The following NECAB2 variants were observed in gnomAD, a reference collection of about 807,000 sequenced individuals.
The protein encoded by NECAB2 is N-terminal EF-hand calcium-binding protein 2.
Under a neutral mutation model 51.9 loss-of-function variants are expected in NECAB2, and 68 were observed. The ratio of observed to expected loss-of-function variants is 1.31; its 90% CI spans 1.08 to 1.60. NECAB2 has a LOEUF of 1.60. Ranked by LOEUF, NECAB2 falls within the 40% of genes most tolerant of loss-of-function variation. The pLI is 0.00. For synonymous variants in NECAB2, 329 were observed against 203.5 expected (o/e 1.62, Z -5.25); for missense variants, 854 against 490.3 (o/e 1.74, Z -7.00).
At chr16:84,000,467 A>C (rs542345206) in intron 10 of NECAB2, among the ~76,000 whole-genome samples, 22 of 152,220 alleles carry the variant, frequency 1.4e-4, no homozygotes, top group Non-Finnish European at 2.6e-4. Flanking sequence ...TGGGCAACAG[A>C]GTGAGACCCT....
In NECAB2 at chr16:83,981,094, C is replaced by G; in HGVS notation, c.426C>G (p.His142Gln). 1 of 1,614,198 alleles carries G rather than the reference C, an allele frequency of 6.2e-7. No individual in the cohort carries two copies. Among genetic ancestry groups the G allele is most frequent in the Non-Finnish European group, 8.5e-7 (1 of 1,180,036 alleles). The change falls in exon 5 of 13, where the codon CAC becomes CAG. Residue 142 changes from histidine to glutamine, a missense_variant. By Grantham distance (24) the His-to-Gln change is conservative (BLOSUM62 0). Transcript: ENST00000305202. Reference protein sequence around the residue: ...DVLASLETLNHSVLKAMGYTK... With the variant: ...DVLASLETLNQSVLKAMGYTK... ...TGGCCTCCCTGGAGACCTTGAATCA[C>G]TCTGTCCTGAAGGCCATGGGTTATA...
intron 5 of NECAB2, among the ~76,000 whole-genome samples, chr16:83,982,758 T>A (rs7194613): frequency 1.3e-5 from 2 of 152,072 alleles, no homozygotes; most frequent in African/African-American, 4.8e-5. Flanking sequence ...TTGGAAGTCA[T>A]GTGCGTATGA....
chr16:83,998,768 T>G (rs1360412025), intron 10 of NECAB2, among the ~76,000 whole-genome samples: 1 of 151,044 alleles, frequency 6.6e-6, no homozygotes, highest in Admixed American at 6.6e-5. Flanking sequence ...AGTCGGTAGC[T>G]GAAGGGAAAT....
At position 83,993,104 on chromosome 16, in the gene NECAB2, C is replaced by G. The variant is rs943577238; in HGVS notation, c.597-1198C>G. On this transcript the variant is annotated intron_variant, in intron 6 of 12. Transcript: ENST00000305202. Reference sequence around the variant, plus strand: ...GTTCCACACATGCCCCTCCCTCGAACTTCCCCAAATCTCAGCTAGTTTGGC... The same window carrying G: ...GTTCCACACATGCCCCTCCCTCGAAGTTCCCCAAATCTCAGCTAGTTTGGC... Among the ~76,000 whole-genome samples, 4 of 152,158 alleles carry G rather than the reference C, an allele frequency of 2.6e-5. No homozygotes were observed. The South Asian group carries it at 8.3e-4, about 31-fold the overall frequency.
At chr16:84,000,576 G>T (rs371853583) in intron 10 of NECAB2, 148 bp from the exon 11 acceptor site, 2 of 610,054 alleles carry the variant, frequency 3.3e-6, no homozygotes, top group Non-Finnish European at 5.8e-6. Context: ...GGGTCACCCT[G>T]TCGAGTCTCG....
intron 11 of NECAB2, among the ~76,000 whole-genome samples, chr16:84,001,374 T>TAAAC (rs1219369130): frequency 2.0e-5 from 3 of 152,084 alleles, no homozygotes; most frequent in South Asian, 2.1e-4. Flanking sequence ...GCTTCCCTGG[T>TAAAC]AAACACTCAC....
chr16:83,977,889 G>C lies in NECAB2; in HGVS notation c.227-555G>C, dbSNP rs145605518. ...GCTTAGGGGCTGGGATTGGGGTTGG[G>C]AGCATGCAGAGACCACTTGGCGTTT... On this transcript the variant is annotated intron_variant, in intron 2 of 12. Transcript: ENST00000305202. Among the ~76,000 whole-genome samples the C allele has an allele frequency of 5.8e-3, 889 of 152,300 alleles. 6 individuals carry two copies. Among genetic ancestry groups the C allele is most frequent in the African/African-American group, 0.02 (834 of 41,562 alleles).
intron 5 of NECAB2, among the ~76,000 whole-genome samples, chr16:83,984,849 C>T (rs964591375): frequency 6.6e-6 from 1 of 152,208 alleles, no homozygotes; most frequent in African/African-American, 2.4e-5. Context: ...TTTCAAATAA[C>T]AAGCTCCTGG....
chr16:83,975,456 A>T (rs1510203), intron 2 of NECAB2, among the ~76,000 whole-genome samples: 1 of 152,106 alleles, frequency 6.6e-6, no homozygotes, highest in Non-Finnish European at 1.5e-5. Context: ...TCACGTGTCC[A>T]CAGGAAGGAT....
chr16:83,988,941 G>T (rs1282689935), intron 5 of NECAB2, among the ~76,000 whole-genome samples: 1 of 152,150 alleles, frequency 6.6e-6, no homozygotes, highest in African/African-American at 2.4e-5. Flanking sequence ...TTCAGTTGTG[G>T]AGGAGAAATC....
At chr16:83,984,163 T>C (rs2151091234) in intron 5 of NECAB2, among the ~76,000 whole-genome samples, 1 of 151,840 alleles carries the variant, frequency 6.6e-6, no homozygotes, top group East Asian at 2.0e-4. Flanking sequence ...GCCTGGCTAA[T>C]TTTTTGTATT....
intron 8 of NECAB2, among the ~76,000 whole-genome samples, chr16:83,995,980 G>A (rs764738575): frequency 2.0e-5 from 3 of 152,206 alleles, no homozygotes; most frequent in East Asian, 1.9e-4. Flanking sequence ...TGGTAACCAC[G>A]GAGTACCTGG....
chr16:84,002,000 G>C (rs1597235652), intron 12 of NECAB2, 84 bp downstream of exon 12: 1 of 1,441,356 alleles, frequency 6.9e-7, no homozygotes. Flanking sequence ...TATCTCCCGG[G>C]GACTTGCCTG....
intron 9 of NECAB2, among the ~76,000 whole-genome samples, chr16:83,997,985 T>C (rs1017879360): frequency 6.6e-6 from 1 of 152,160 alleles, no homozygotes; most frequent in African/African-American, 2.4e-5. Context: ...CCTCGTCTGT[T>C]TTCCCCATTT....
At chr16:83,998,630 C>T (rs1170940825) in intron 10 of NECAB2, among the ~76,000 whole-genome samples, 1 of 152,202 alleles carries the variant, frequency 6.6e-6, no homozygotes, top group Non-Finnish European at 1.5e-5. Context: ...TGAAGGGCTC[C>T]AGCTGGGCCT....
At chr16:83,995,739 G>T (rs959360824) in intron 8 of NECAB2, among the ~76,000 whole-genome samples, 1 of 152,150 alleles carries the variant, frequency 6.6e-6, no homozygotes, top group African/African-American at 2.4e-5. Context: ...GGGGCTCCCC[G>T]CATGGAGGGA....
At chr16:83,975,322 G>C (rs1413253804) in intron 2 of NECAB2, among the ~76,000 whole-genome samples, 1 of 151,464 alleles carries the variant, frequency 6.6e-6, no homozygotes, top group African/African-American at 2.4e-5. Context: ...GTGCAGGGAG[G>C]TGTGGGTGCG....
At chr16:83,965,681 A>G (rs545551348), upstream of NECAB2, 2 of 1,613,386 alleles carry the variant, frequency 1.2e-6, no homozygotes, top group African/African-American at 1.3e-5. Context: ...GCTGTGCTTC[A>G]AGGAAGACTG....
chr16:83,971,956 G>T, intron 1 of NECAB2, 195 bp from the exon 2 acceptor site: 1 of 683,408 alleles, frequency 1.5e-6, no homozygotes, highest in South Asian at 1.9e-5. Flanking sequence ...TGAGGGGAGG[G>T]CCTCTGTCTG....
Sources: allele counts gnomAD v4.1 joint callset (sites outside exome capture counted in the v4.1 genomes callset), GRCh38; gene constraint gnomAD v4.1.1; transcripts MANE v1.5; gene names NCBI Gene and HGNC (gene_info 2026-07-23, HGNC 2026-07-21).